KSR2: variants seen among roughly 807,000 people sequenced by gnomAD.
KSR2 encodes the protein kinase suppressor of ras 2.
In KSR2, 25 loss-of-function variants were observed where a neutral mutation model predicts 107.8. That is an observed-to-expected ratio of 0.23 (90% CI 0.17 to 0.32). The LOEUF is 0.32. Ranked by LOEUF, KSR2 falls within the 10% of genes least tolerant of loss-of-function variation. The probability of loss-of-function intolerance (pLI) is 1.00; values close to 1 mark genes in which losing one functional copy is unlikely to be tolerated. For missense variants in KSR2, 887 were observed against 1,268.9 expected, an observed-to-expected ratio of 0.70 and a Z score of 4.57; for synonymous variants, 480 against 507.0, an observed-to-expected ratio of 0.95 and a Z score of 0.71.
intron 9 of KSR2, among the ~76,000 whole-genome samples, chr12:117,552,824 G>T (rs1172747867): frequency 6.6e-6 from 1 of 152,192 alleles, no homozygotes; most frequent in Non-Finnish European, 1.5e-5. Context: ...ATTTACAAAA[G>T]TAGGTTGTGG....
At chr12:117,568,022 C>A (rs530157418) in intron 7 of KSR2, among the ~76,000 whole-genome samples, 1 of 152,246 alleles carries the variant, frequency 6.6e-6, no homozygotes, top group South Asian at 2.1e-4. Flanking sequence ...TAGCTAACCA[C>A]AATACAAATG....
intron 7 of KSR2, among the ~76,000 whole-genome samples, chr12:117,572,153 A>C (rs1165554553): frequency 1.3e-5 from 2 of 152,200 alleles, no homozygotes; most frequent in African/African-American, 4.8e-5. Context: ...GCTTTTGCTC[A>C]GGCTGTTTCC....
chr12:117,731,422 G>T (rs1233884699), intron 4 of KSR2, among the ~76,000 whole-genome samples: 1 of 132,692 alleles, frequency 7.5e-6, no homozygotes, highest in Non-Finnish European at 1.6e-5. Context: ...GAGGTGGGGG[G>T]CAGCCCCCGC....
intron 1 of KSR2, among the ~76,000 whole-genome samples, chr12:117,867,947 C>T (rs925789754): frequency 6.6e-6 from 1 of 152,234 alleles, no homozygotes; most frequent in Non-Finnish European, 1.5e-5. Flanking sequence ...CCTGCTCCAG[C>T]AGGACCTTAT....
In KSR2 at chr12:117,466,042, T is replaced by A. The variant is rs1194344999; in HGVS notation, c.*1157A>T. ...ACAGGTGAGGGACACAGGCTTCCGA[T>A]GGGGAAGCTACTTGAGGACCCCGCA... On this transcript the variant is annotated 3_prime_UTR_variant, in exon 20 of 20. Transcript: ENST00000339824. 2 of 152,138 alleles carry A rather than the reference T, an allele frequency of 1.3e-5. No individual in the cohort carries two copies. The highest frequency in any genetic ancestry group is 2.9e-5 in the Non-Finnish European group (2 of 68,034). 9.4% of individuals were successfully genotyped at this position (152,138 alleles called of 1,614,324 possible). A position where few individuals can be genotyped will look rare whatever the true frequency, so the allele number is the denominator to read the frequency against.
intron 3 of KSR2, among the ~76,000 whole-genome samples, chr12:117,775,653 G>C (rs950825031): frequency 6.6e-6 from 1 of 152,126 alleles, no homozygotes; most frequent in Non-Finnish European, 1.5e-5. Flanking sequence ...GTACCCAGGG[G>C]ATAGGAATCA....
intron 4 of KSR2, among the ~76,000 whole-genome samples, chr12:117,740,758 A>C (rs1298888898): frequency 6.6e-6 from 1 of 151,408 alleles, no homozygotes; most frequent in Non-Finnish European, 1.5e-5. Context: ...TTGCAATTGC[A>C]AATTGTGCTG....
At chr12:117,667,165 T>C (rs535151648) in intron 5 of KSR2, among the ~76,000 whole-genome samples, 1 of 152,284 alleles carries the variant, frequency 6.6e-6, no homozygotes, top group South Asian at 2.1e-4. Context: ...CCTGAATGCC[T>C]GCTTGCTTTT....
At chr12:117,657,851 C>T (rs1192933928) in intron 5 of KSR2, among the ~76,000 whole-genome samples, 4 of 152,180 alleles carry the variant, frequency 2.6e-5, no homozygotes, top group Admixed American at 6.5e-5. Context: ...ACAAGACTGA[C>T]GTAGTCACTG....
intron 1 of KSR2, among the ~76,000 whole-genome samples, chr12:117,935,417 A>G (rs192287176): frequency 5.9e-5 from 9 of 151,768 alleles, no homozygotes; most frequent in Admixed American, 4.6e-4. Context: ...TCTGCTCAAA[A>G]CCCTCCAATG....
Position 117,947,262 on chromosome 12 carries a change from T to A in KSR2, c.180+20814A>T, listed in dbSNP as rs59979745. ...GAAAGAAAGAAAGAAAGAAAGAAGA[T>A]AAACCACATGACCATACTAATTGAT... is the stretch of plus-strand genomic sequence containing the variant. On this transcript the variant is annotated intron_variant, in intron 1 of 19. Transcript: ENST00000339824. Among the ~76,000 whole-genome samples, 983 of 105,442 alleles carry A rather than the reference T, an allele frequency of 9.3e-3. 15 individuals carry two copies. Among genetic ancestry groups the A allele is most frequent in the South Asian group, 0.026 (83 of 3,150 alleles). 69.2% of individuals were successfully genotyped at this position (105,442 alleles called of 152,430 possible). A position where few individuals can be genotyped will look rare whatever the true frequency, so the allele number is the denominator to read the frequency against.
chr12:117,524,227 G>C (rs1453292651), intron 14 of KSR2, among the ~76,000 whole-genome samples: 1 of 152,166 alleles, frequency 6.6e-6, no homozygotes, highest in Non-Finnish European at 1.5e-5. Context: ...TGATTTAGTT[G>C]AATATACTCA....
rs1416855721 is a variant in KSR2 at position 117,811,908 on chromosome 12, C to T, written c.472+43520G>A. Reference sequence around the variant, plus strand: ...AACTCCCAGGCAGCACTTAGAAGTTCACAACCTGCCTGCTGCCTGAACTTA... The same window carrying T: ...AACTCCCAGGCAGCACTTAGAAGTTTACAACCTGCCTGCTGCCTGAACTTA... On this transcript the variant is annotated intron_variant, in intron 3 of 19. Transcript: ENST00000339824. Among the ~76,000 whole-genome samples the T allele has an allele frequency of 2.0e-5, 3 of 152,228 alleles. No homozygotes were observed. The South Asian group carries it at 6.2e-4, about 32-fold the overall frequency.
At chr12:117,659,504 C>T (rs1180954286) in intron 5 of KSR2, among the ~76,000 whole-genome samples, 1 of 152,166 alleles carries the variant, frequency 6.6e-6, no homozygotes, top group Non-Finnish European at 1.5e-5. Context: ...CAAAGACACG[C>T]TAACTTCCTT....
At chr12:117,604,606 A>G (rs1261205688) in intron 5 of KSR2, among the ~76,000 whole-genome samples, 4 of 152,186 alleles carry the variant, frequency 2.6e-5, no homozygotes, top group Non-Finnish European at 5.9e-5. Flanking sequence ...TTTTCATGAT[A>G]AAGGGGGATC....
chr12:117,918,883 T>C (rs549642400), intron 1 of KSR2, among the ~76,000 whole-genome samples: 7 of 152,160 alleles, frequency 4.6e-5, no homozygotes, highest in African/African-American at 7.2e-5. Context: ...GGTGGGAGGA[T>C]TGTTTGAGGC....
chr12:117,504,265 C>T (rs1337451053), intron 14 of KSR2, among the ~76,000 whole-genome samples: 1 of 152,170 alleles, frequency 6.6e-6, no homozygotes, highest in Non-Finnish European at 1.5e-5. Flanking sequence ...CCATGTAATC[C>T]TATTACGAAT....
intron 4 of KSR2, among the ~76,000 whole-genome samples, chr12:117,720,498 C>T (rs945368140): frequency 3.3e-5 from 5 of 152,214 alleles, no homozygotes; most frequent in African/African-American, 9.6e-5. Flanking sequence ...TTTAAAGTAA[C>T]ACGAGGCAGA....
intron 5 of KSR2, among the ~76,000 whole-genome samples, chr12:117,607,654 AAGGAGAGGAGAGGAG>A (rs61650091): frequency 4.2e-5 from 5 of 118,132 alleles, no homozygotes; most frequent in Admixed American, 2.4e-4. Flanking sequence ...GAGGGGAGGA[AAGGAGAGGAGAGGAG>A]AGGAGAGGAG....
Sources: allele counts gnomAD v4.1 joint callset (sites outside exome capture counted in the v4.1 genomes callset), GRCh38; gene constraint gnomAD v4.1.1; transcripts MANE v1.5; gene names NCBI Gene and HGNC (gene_info 2026-07-23, HGNC 2026-07-21).